Variants in GALNT10 observed in about 807,000 individuals in gnomAD.
The protein encoded by GALNT10 is polypeptide N-acetylgalactosaminyltransferase 10, also known as GalNAc transferase 10.
Under a neutral mutation model 75.0 loss-of-function variants are expected in GALNT10, and 41 were observed. That is an observed-to-expected ratio of 0.55 (90% CI 0.43 to 0.71). GALNT10 has a LOEUF of 0.71. GALNT10 is among the 30% of genes least tolerant of loss of function. The pLI is 0.00. For synonymous variants in GALNT10, 302 were observed against 313.0 expected (o/e 0.96, Z 0.37); for missense variants, 727 against 818.5 (o/e 0.89, Z 1.36).
At chr5:154,208,436 T>A (rs1775143288) in intron 1 of GALNT10, among the ~76,000 whole-genome samples, 1 of 152,258 alleles carries the variant, frequency 6.6e-6, no homozygotes, top group African/African-American at 2.4e-5. Context: ...AGCTCTGCCC[T>A]TTACTAGCTG....
At position 154,346,700 on chromosome 5, in the gene GALNT10, G is replaced by C. The variant is rs142099282; in HGVS notation, c.568+16962G>C. 6.6e-5 allele frequency among the ~76,000 whole-genome samples: 10 copies of C among 152,224 alleles called. No individual in the cohort carries two copies. The East Asian group carries it at 1.7e-3, about 26-fold the overall frequency. On this transcript the variant is annotated intron_variant, in intron 4 of 11. Coordinates refer to ENST00000297107, the MANE Select transcript of GALNT10 (RefSeq NM_198321.4). The stretch of plus-strand genomic sequence containing the variant: ...TAGGTAGTACTGCTTTTATAACAGT[G>C]TAAATCACAGTTGTGCCAATTTTTT...
chr5:154,417,393 G>A lies in GALNT10; in HGVS notation c.*421G>A, dbSNP rs907273204. On this transcript the variant is annotated 3_prime_UTR_variant, in exon 12 of 12. Transcript: ENST00000297107. ...TGCTTTAGAAACAAAGGTAAAATTT[G>A]CCTGTTTGGGGCAGCTTTTAGTATC... 1.9e-5 allele frequency: 3 copies of A among 159,498 alleles called. No individual in the cohort carries two copies. The highest frequency in any genetic ancestry group is 7.2e-5 in the African/African-American group (3 of 41,612). The allele number at this position is 159,498 out of a possible 1,614,324, so 9.9% of individuals were successfully genotyped here.
In GALNT10 at chr5:154,284,099, G is replaced by A. The variant is rs575176855; in HGVS notation, c.160-10717G>A. Among the ~76,000 whole-genome samples, 24 of 152,324 alleles carry A rather than the reference G, an allele frequency of 1.6e-4. No homozygotes were observed. In the East Asian group the frequency reaches 4.6e-3, roughly 29 times the overall value. ...TACTACCAAATAGTAACTAATAATG[G>A]TAGCTAGCATTGCTAGTGCTTTCTA... On this transcript the variant is annotated intron_variant, in intron 1 of 11. Transcript: ENST00000297107.
At chr5:154,250,039 T>A (rs1753489674) in intron 1 of GALNT10, among the ~76,000 whole-genome samples, 1 of 152,228 alleles carries the variant, frequency 6.6e-6, no homozygotes, top group African/African-American at 2.4e-5. Flanking sequence ...TGGTGTTTTC[T>A]GCAGGCAACT....
chr5:154,229,036 G>C (rs1317472814), intron 1 of GALNT10, among the ~76,000 whole-genome samples: 1 of 152,236 alleles, frequency 6.6e-6, no homozygotes, highest in Non-Finnish European at 1.5e-5. Context: ...GGAAATGGAG[G>C]TTGGGTCTTG....
At chr5:154,196,435 A>G (rs972242606) in intron 1 of GALNT10, among the ~76,000 whole-genome samples, 2 of 152,152 alleles carry the variant, frequency 1.3e-5, no homozygotes, top group African/African-American at 2.4e-5. Context: ...GAGTAAGGGA[A>G]TATATTGGCT....
At chr5:154,230,436 G>T (rs897647571) in intron 1 of GALNT10, among the ~76,000 whole-genome samples, 30 of 152,216 alleles carry the variant, frequency 2.0e-4, no homozygotes, top group African/African-American at 7.0e-4. Flanking sequence ...GACACAAGTA[G>T]AAAATTCCTG....
chr5:154,236,121 C>G (rs1325762273), intron 1 of GALNT10, among the ~76,000 whole-genome samples: 1 of 152,150 alleles, frequency 6.6e-6, no homozygotes, highest in African/African-American at 2.4e-5. Flanking sequence ...CAGAGGGAGT[C>G]AAAACCTGAG....
At chr5:154,265,287 A>G (rs2113028112) in intron 1 of GALNT10, among the ~76,000 whole-genome samples, 1 of 152,146 alleles carries the variant, frequency 6.6e-6, no homozygotes, top group East Asian at 1.9e-4. Context: ...AAAGGGTGAA[A>G]CCCTACTTGA....
chr5:154,318,716 G>A (rs926857620), intron 3 of GALNT10, among the ~76,000 whole-genome samples: 1 of 152,168 alleles, frequency 6.6e-6, no homozygotes, highest in Non-Finnish European at 1.5e-5. Context: ...CTGCTTATCA[G>A]CATTCCATAG....
At chr5:154,288,467 G>A (rs186564784) in intron 1 of GALNT10, among the ~76,000 whole-genome samples, 270 of 151,486 alleles carry the variant, frequency 1.8e-3, no homozygotes, top group African/African-American at 6.2e-3. Flanking sequence ...GATTCTTTTA[G>A]TGGAATGTTA....
intron 3 of GALNT10, among the ~76,000 whole-genome samples, chr5:154,314,490 G>T (rs1181016832): frequency 6.6e-6 from 1 of 152,074 alleles, no homozygotes; most frequent in South Asian, 2.1e-4. Flanking sequence ...TGATATGAGA[G>T]TCAGGCTTTC....
chr5:154,394,600 AAG>A (rs1316414398), intron 7 of GALNT10, among the ~76,000 whole-genome samples: 2 of 152,170 alleles, frequency 1.3e-5, no homozygotes, highest in African/African-American at 4.8e-5. Flanking sequence ...ATCCAGTCTA[AAG>A]AGAGGCCCGT....
intron 4 of GALNT10, chr5:154,338,290 C>A (rs1754974872): frequency 1.6e-6 from 1 of 632,922 alleles, no homozygotes; most frequent in African/African-American, 1.8e-5. Context: ...TTGGATCTCT[C>A]CTTACCACAC....
intron 1 of GALNT10, among the ~76,000 whole-genome samples, chr5:154,201,663 G>C (rs367864238): frequency 2.1e-4 from 32 of 152,222 alleles, no homozygotes; most frequent in African/African-American, 7.5e-4. Context: ...AGGCGTGGTG[G>C]CTCTCACCTG....
At chr5:154,301,204 T>C (rs965519448) in intron 3 of GALNT10, among the ~76,000 whole-genome samples, 1 of 152,204 alleles carries the variant, frequency 6.6e-6, no homozygotes, top group Admixed American at 6.5e-5. Flanking sequence ...TTAACCTTTA[T>C]CTGAAATTTC....
chr5:154,213,935 C>CT (rs1183638524), intron 1 of GALNT10, among the ~76,000 whole-genome samples: 1 of 152,142 alleles, frequency 6.6e-6, no homozygotes, highest in Admixed American at 6.5e-5. Context: ...CCAAGGGTCT[C>CT]TTTTGCAAGA....
intron 1 of GALNT10, among the ~76,000 whole-genome samples, chr5:154,267,633 G>A (rs952294394): frequency 2.0e-5 from 3 of 152,148 alleles, no homozygotes; most frequent in Non-Finnish European, 2.9e-5. Flanking sequence ...CTGGCAGGAT[G>A]TCTCATTTCT....
chr5:154,367,098 G>T (rs901708962), intron 4 of GALNT10, among the ~76,000 whole-genome samples: 2 of 152,090 alleles, frequency 1.3e-5, no homozygotes, highest in African/African-American at 4.8e-5. Context: ...CAAGAGGATA[G>T]AATAGAAAAA....
Sources: allele counts gnomAD v4.1 joint callset (sites outside exome capture counted in the v4.1 genomes callset), GRCh38; gene constraint gnomAD v4.1.1; transcripts MANE v1.5; gene names NCBI Gene and HGNC (gene_info 2026-07-23, HGNC 2026-07-21).